The following VPS26C variants were observed in gnomAD, a reference collection of about 807,000 sequenced individuals.
The protein encoded by VPS26C is VPS26 endosomal protein sorting factor C, also known as vacuolar protein sorting-associated protein 26C.
VPS26C carries 19 observed loss-of-function variants against 30.6 expected under a neutral mutation model. The ratio of observed to expected loss-of-function variants is 0.62; its 90% CI spans 0.43 to 0.91. The LOEUF is 0.91. Among genes scored for constraint, VPS26C ranks in the 40% least tolerant of loss-of-function variants. VPS26C has a pLI of 0.00. For synonymous variants in VPS26C, 132 were observed against 151.5 expected, an observed-to-expected ratio of 0.87 and a Z score of 0.95; for missense variants, 318 against 385.1, an observed-to-expected ratio of 0.83 and a Z score of 1.46.
chr21:37,260,858 T>C (rs1271580911), intron 1 of VPS26C, among the ~76,000 whole-genome samples: 3 of 152,226 alleles, frequency 2.0e-5, no homozygotes, highest in Non-Finnish European at 2.9e-5. Flanking sequence ...ATAAATCTTA[T>C]CAACATCTGT....
At position 37,233,459 on chromosome 21, in the gene VPS26C, G is replaced by A. The variant is rs2085987870; in HGVS notation, c.352-17C>T. 1 of 1,598,310 alleles carries A rather than the reference G, an allele frequency of 6.3e-7. No individual in the cohort carries two copies. ...CAGTGTATACTAAAGGGGAGAGTTG[G>A]AGGAAAAAAGTTCATTTTAGTGGGA... On this transcript the variant is annotated splice_polypyrimidine_tract_variant and intron_variant, in intron 3 of 7. Coordinates refer to ENST00000309117, the MANE Select transcript of VPS26C (RefSeq NM_006052.2). This position sits in a 1 kb window ranked among gnomAD's most constrained non-coding sequence, Gnocchi z 5.2.
intron 6 of VPS26C, among the ~76,000 whole-genome samples, 198 bp from the exon 7 acceptor site, chr21:37,228,004 T>C (rs993109804): frequency 3.3e-5 from 5 of 152,100 alleles, no homozygotes; most frequent in Non-Finnish European, 1.5e-5. Flanking sequence ...TTTTTTAGAG[T>C]CAGGGTCATG....
chr21:37,243,942 G>A (rs188378220), intron 1 of VPS26C, among the ~76,000 whole-genome samples: 1 of 152,306 alleles, frequency 6.6e-6, no homozygotes, highest in East Asian at 1.9e-4. Context: ...TCCTCTCTTT[G>A]GCTCGAGTCA....
Sources: allele counts gnomAD v4.1 joint callset (sites outside exome capture counted in the v4.1 genomes callset), GRCh38; gene constraint gnomAD v4.1.1; non-coding constraint Gnocchi (gnomAD v3.1); transcripts MANE v1.5; gene names NCBI Gene and HGNC (gene_info 2026-07-23, HGNC 2026-07-21).